Variants in FRAS1 observed in about 807,000 individuals in gnomAD.
FRAS1 encodes the protein Fraser extracellular matrix complex subunit 1.
FRAS1 carries 290 observed loss-of-function variants against 435.2 expected under a neutral mutation model. The ratio of observed to expected loss-of-function variants is 0.67; its 90% CI spans 0.61 to 0.73. The LOEUF (loss-of-function observed/expected upper bound fraction) is 0.73. FRAS1 is among the 30% of genes least tolerant of loss of function. The probability of loss-of-function intolerance (pLI) is 0.00; values close to 1 mark genes in which losing one functional copy is unlikely to be tolerated. For synonymous variants in FRAS1, 1,800 were observed against 1,851.0 expected, an observed-to-expected ratio of 0.97 and a Z score of 0.71; for missense variants, 4,860 against 5,001.5, an observed-to-expected ratio of 0.97 and a Z score of 0.85.
intron 15 of FRAS1, among the ~76,000 whole-genome samples, chr4:78,313,009 G>T (rs1314040384): frequency 6.6e-6 from 1 of 152,080 alleles, no homozygotes; most frequent in African/African-American, 2.4e-5. Context: ...TTCCCTCTGG[G>T]TGTAACTTTA....
intron 6 of FRAS1, among the ~76,000 whole-genome samples, chr4:78,264,522 C>A (rs1323353872): frequency 6.6e-6 from 1 of 152,026 alleles, no homozygotes; most frequent in Non-Finnish European, 1.5e-5. Context: ...AGGAAGGATA[C>A]CTTCACTTTT....
At chr4:78,102,108 G>T (rs1322560779) in intron 2 of FRAS1, among the ~76,000 whole-genome samples, 1 of 151,398 alleles carries the variant, frequency 6.6e-6, no homozygotes, top group East Asian at 1.9e-4. Context: ...TTTGATCACG[G>T]TTGAATATGG....
chr4:78,387,000 G>A (rs891752509), intron 28 of FRAS1, among the ~76,000 whole-genome samples: 2 of 152,124 alleles, frequency 1.3e-5, no homozygotes, highest in African/African-American at 4.8e-5. Flanking sequence ...CCACAACATG[G>A]CCTGGAGTGA....
intron 2 of FRAS1, chr4:78,180,767 C>CTTT: frequency 5.0e-6 from 4 of 792,660 alleles, no homozygotes; most frequent in Non-Finnish European, 5.9e-6. Context: ...GAATGACAGT[C>CTTT]TTTTTTTTTT....
chr4:78,406,712 C>A (rs985189373), intron 30 of FRAS1, among the ~76,000 whole-genome samples: 1 of 152,082 alleles, frequency 6.6e-6, no homozygotes, highest in African/African-American at 2.4e-5. Context: ...CTATTATTTT[C>A]TTTTTACGAA....
Position 78,337,731 on chromosome 4 carries a change from G to C in FRAS1, c.2336G>C (p.Cys779Ser). ...CCGTTGGAGTCTGACTGCATCTCCT[G>C]TTACCCTCACATCTCTCTTACCAAT... ...HGPLESDCIS[C>S]YPHISLTNGN... Residue 779 changes from cysteine (C) to serine (S), a missense_variant, in exon 20 of 74, where the codon TGT becomes TCT. Physicochemically the swap from Cys to Ser is moderately radical, Grantham distance 112. Coordinates refer to ENST00000512123, the MANE Select transcript of FRAS1 (RefSeq NM_025074.7). The C allele has an allele frequency of 6.2e-7, 1 of 1,613,966 alleles. No individual in the cohort carries two copies. Among genetic ancestry groups the C allele is most frequent in the Non-Finnish European group, 8.5e-7 (1 of 1,179,864 alleles).
In FRAS1 at chr4:78,362,595, C is replaced by T. The variant is rs190156918; in HGVS notation, c.2423-918C>T. ...CCTTGTTGCTGGGGTGGTTTCCCTC[C>T]GCTGGTGAGGGCAAAGGGCTGGTGT... On this transcript the variant is annotated intron_variant, in intron 20 of 73. Transcript: ENST00000512123. 3.3e-5 allele frequency among the ~76,000 whole-genome samples: 5 copies of T among 152,292 alleles called. No homozygotes were observed. The East Asian group carries it at 5.8e-4, about 18-fold the overall frequency.
At chr4:78,231,442 A>G (rs1724515188) in intron 2 of FRAS1, among the ~76,000 whole-genome samples, 1 of 152,068 alleles carries the variant, frequency 6.6e-6, no homozygotes, top group Admixed American at 6.6e-5. Context: ...GTTTGTTTCT[A>G]TGCACATAGA....
intron 63 of FRAS1, 112 bp from the exon 64 acceptor site, chr4:78,511,162 A>T: frequency 1.1e-6 from 1 of 893,660 alleles, no homozygotes. Context: ...ATAGATGGAA[A>T]AATCAATGGA....
At chr4:78,080,238 A>T (rs1289964136) in intron 2 of FRAS1, among the ~76,000 whole-genome samples, 1 of 152,144 alleles carries the variant, frequency 6.6e-6, no homozygotes, top group African/African-American at 2.4e-5. Context: ...AGCCTGATTG[A>T]TTTATTCCCC....
intron 59 of FRAS1, among the ~76,000 whole-genome samples, chr4:78,496,531 G>A (rs910278939): frequency 6.6e-6 from 1 of 152,152 alleles, no homozygotes; most frequent in Non-Finnish European, 1.5e-5. Flanking sequence ...TTTTTAGTGG[G>A]TTCTTTGTTT....
intron 71 of FRAS1, among the ~76,000 whole-genome samples, chr4:78,536,460 T>C (rs1721885170): frequency 6.6e-6 from 1 of 152,152 alleles, no homozygotes; most frequent in Non-Finnish European, 1.5e-5. Flanking sequence ...GAGAGCATAG[T>C]ACCTTGACTT....
At chr4:78,489,963 G>GAAAGCA (rs1720292492) in intron 59 of FRAS1, among the ~76,000 whole-genome samples, 2 of 6,078 alleles carry the variant, frequency 3.3e-4, no homozygotes, top group East Asian at 0.018. Context: ...AAAGCTAGTG[G>GAAAGCA]AAAACAAAAA....
At position 78,402,727 on chromosome 4, in the gene FRAS1, A is replaced by G. The variant is rs1030049656; in HGVS notation, c.4129+1840A>G. Among the ~76,000 whole-genome samples, 7 of 152,122 alleles carry G rather than the reference A, an allele frequency of 4.6e-5. No individual in the cohort carries two copies. In the East Asian group the frequency reaches 5.8e-4, roughly 13 times the overall value. On this transcript the variant is annotated intron_variant, in intron 30 of 73. Transcript: ENST00000512123. ...TTTTCCCACCAATGCCCTTTCTATG[A>G]CCCAATCCAGGATCTCAATTACACT...
At chr4:78,488,490 A>G (rs1720242308) in intron 58 of FRAS1, among the ~76,000 whole-genome samples, 1 of 152,170 alleles carries the variant, frequency 6.6e-6, no homozygotes. Context: ...TAGCCCTAGG[A>G]GGACAGTGAA....
At chr4:78,147,606 G>A (rs1382518791) in intron 2 of FRAS1, among the ~76,000 whole-genome samples, 2 of 152,172 alleles carry the variant, frequency 1.3e-5, no homozygotes, top group East Asian at 3.8e-4. Flanking sequence ...TGTAAGGAGA[G>A]TGGAGACTGT....
rs551009090 is a variant in FRAS1 at position 78,388,605 on chromosome 4, G to A, written c.3975+904G>A. 9.4e-4 allele frequency among the ~76,000 whole-genome samples: 142 copies of A among 151,630 alleles called. 1 individual carries two copies. Among genetic ancestry groups the A allele is most frequent in the African/African-American group, 3.1e-3 (127 of 41,276 alleles). On this transcript the variant is annotated intron_variant, in intron 29 of 73. Transcript: ENST00000512123. The stretch of plus-strand genomic sequence containing the variant: ...TTGAGCTCAGGAGTTTGAGACCAGC[G>A]TGAGCAACGTGGAGAAATCTTGTCT...
At chr4:78,180,974 T>C in intron 2 of FRAS1, 1 of 1,610,804 alleles carries the variant, frequency 6.2e-7, no homozygotes, top group Non-Finnish European at 8.5e-7. Flanking sequence ...CATGTCCACC[T>C]TGTCCTCCCC....
intron 50 of FRAS1, among the ~76,000 whole-genome samples, chr4:78,468,990 A>G (rs755914288): frequency 1.3e-5 from 2 of 152,140 alleles, no homozygotes; most frequent in Non-Finnish European, 2.9e-5. Flanking sequence ...TGTCGGTGGG[A>G]TGGCTCTTGG....
Sources: gnomAD v4.1 joint callset for allele counts (sites outside exome capture counted in the v4.1 genomes callset) on GRCh38, gnomAD v4.1.1 for gene constraint, MANE v1.5 for transcripts, NCBI Gene and HGNC (gene_info 2026-07-23, HGNC 2026-07-21) for gene names.